The following CSE1L variants were observed in gnomAD, a reference collection of about 807,000 sequenced individuals.
The protein encoded by CSE1L is chromosome segregation 1 like, also known as exportin-2.
In CSE1L, 24 loss-of-function variants were observed where a neutral mutation model predicts 120.4. The observed-to-expected ratio is 0.20, with a 90% CI of 0.14 to 0.28. The LOEUF (loss-of-function observed/expected upper bound fraction) is 0.28, where lower values mean the gene tolerates loss of function less well. Among genes scored for constraint, CSE1L ranks in the 10% least tolerant of loss-of-function variants. The pLI, the probability that CSE1L is intolerant of heterozygous loss-of-function variation, is 1.00. For missense variants in CSE1L, 830 were observed against 1,145.2 expected (o/e 0.72, Z 3.97); for synonymous variants, 402 against 398.3 (o/e 1.01, Z -0.11).
chr20:49,079,580 C>T (rs975784023), intron 14 of CSE1L, among the ~76,000 whole-genome samples: 1 of 151,932 alleles, frequency 6.6e-6, no homozygotes, highest in Non-Finnish European at 1.5e-5. Context: ...ATCTTAGAGA[C>T]TTTCTCACAT....
chr20:49,095,255 A>C (rs1158398501), intron 24 of CSE1L: 1 of 376,918 alleles, frequency 2.7e-6, no homozygotes, highest in African/African-American at 2.1e-5. Flanking sequence ...GCACTTTATA[A>C]TAAGAGTTTA....
intron 2 of CSE1L, among the ~76,000 whole-genome samples, chr20:49,062,964 A>G (rs376616855): frequency 3.3e-5 from 5 of 151,974 alleles, no homozygotes; most frequent in Non-Finnish European, 7.4e-5. Context: ...GCCACTGTAT[A>G]GGTTTGTGAG....
At chr20:49,089,497 C>A in intron 18 of CSE1L, 41 bp from the exon 19 acceptor site, 1 of 1,607,420 alleles carries the variant, frequency 6.2e-7, no homozygotes, top group Non-Finnish European at 8.5e-7. Flanking sequence ...GTCAGTCATT[C>A]CTTCTGAAGC....
At chr20:49,090,312 C>T (rs2092091087) in intron 19 of CSE1L, among the ~76,000 whole-genome samples, 1 of 152,122 alleles carries the variant, frequency 6.6e-6, no homozygotes, top group East Asian at 1.9e-4. Flanking sequence ...AATCTCAGCA[C>T]TTTGGGAGGC....
At chr20:49,075,952 G>A (rs779027794) in intron 12 of CSE1L, among the ~76,000 whole-genome samples, 5 of 150,114 alleles carry the variant, frequency 3.3e-5, no homozygotes, top group South Asian at 4.3e-4. Context: ...CTGCCTCAGC[G>A]TCCCAAGTAA....
intron 24 of CSE1L, among the ~76,000 whole-genome samples, chr20:49,095,945 TATAG>T (rs2092136502): frequency 6.6e-6 from 1 of 152,140 alleles, no homozygotes; most frequent in African/African-American, 2.4e-5. Context: ...TTCAAACATA[TATAG>T]AAAGAGCATA....
intron 6 of CSE1L, among the ~76,000 whole-genome samples, chr20:49,067,576 T>A (rs1377919267): frequency 6.6e-6 from 1 of 152,128 alleles, no homozygotes; most frequent in Non-Finnish European, 1.5e-5. Context: ...AGTATGTGTC[T>A]CTAAAGGAAG....
Position 49,068,746 on chromosome 20 carries a change from A to G in CSE1L, c.599A>G (p.Asn200Ser). ...ATTGAACTCTGCAGTACCCATGCAA[A>G]TGATGCCTCTGCCCTGAGGATTCTG... ...ATIELCSTHA[N>S]DASALRILFS... Residue 200 changes from asparagine to serine, a missense_variant, in exon 7 of 25, where the codon AAT (asparagine) becomes AGT (serine). Around this residue, in one of 4 missense-constraint regions of CSE1L, gnomAD observed 543 missense variants for 640.2 expected, o/e 0.85. Coordinates refer to ENST00000262982, the MANE Select transcript of CSE1L (RefSeq NM_001316.4). The G allele has an allele frequency of 1.2e-6, 2 of 1,614,064 alleles. No individual in the cohort carries two copies. Among genetic ancestry groups the G allele is most frequent in the Non-Finnish European group, 1.7e-6 (2 of 1,179,916 alleles).
At chr20:49,080,314 C>T (rs1461314228) in intron 14 of CSE1L, among the ~76,000 whole-genome samples, 3 of 146,500 alleles carry the variant, frequency 2.0e-5, no homozygotes, top group Non-Finnish European at 4.5e-5. Flanking sequence ...CCTGGGTTCA[C>T]GCCATTCTCC....
intron 13 of CSE1L, among the ~76,000 whole-genome samples, chr20:49,078,019 G>A (rs2091982720): frequency 6.6e-6 from 1 of 151,922 alleles, no homozygotes; most frequent in Admixed American, 6.6e-5. Flanking sequence ...AAAAAATTAA[G>A]GATAGTTTCT....
At chr20:49,070,419 T>C (rs960640736) in intron 8 of CSE1L, 122 bp downstream of exon 8, 1 of 561,626 alleles carries the variant, frequency 1.8e-6, no homozygotes, top group South Asian at 2.1e-5. Flanking sequence ...TGTAATAATA[T>C]TTGATTCTAT....
chr20:49,051,400 G>A (rs968819997), intron 1 of CSE1L, among the ~76,000 whole-genome samples: 5 of 152,126 alleles, frequency 3.3e-5, no homozygotes, highest in African/African-American at 1.2e-4. Context: ...AAACTCAGCC[G>A]GGCGTGGTGG....
chr20:49,065,312 A>AGTTTTTTTTT (rs1568769017), intron 3 of CSE1L, among the ~76,000 whole-genome samples: 1 of 79,416 alleles, frequency 1.3e-5, no homozygotes, highest in Non-Finnish European at 2.4e-5. Flanking sequence ...ATGAAAAAAA[A>AGTTTTTTTTT]ATTTTTTTTT....
At chr20:49,051,553 A>G (rs1371601693) in intron 1 of CSE1L, among the ~76,000 whole-genome samples, 7 of 152,250 alleles carry the variant, frequency 4.6e-5, no homozygotes, top group African/African-American at 1.7e-4. Flanking sequence ...TCCAAAAAAA[A>G]CAAGAGTCCT....
In CSE1L at chr20:49,085,589, T is replaced by TTTTTTG. The variant is rs11474758; in HGVS notation, c.1723+203_1723+204insTTTTTG. 2.2e-5 allele frequency among the ~76,000 whole-genome samples: 3 copies of TTTTTTG among 138,756 alleles called. 1 individual carries two copies. Among genetic ancestry groups the TTTTTTG allele is most frequent in the Non-Finnish European group, 4.7e-5 (3 of 64,096 alleles). 91.0% of individuals were successfully genotyped at this position (138,756 alleles called of 152,430 possible). ...TTTTTTTTTTTTTTTTTTTTTTTTT[T>TTTTTTG]GAGATGGAGCCTTGCTCTGTTGCCC... On this transcript the variant is annotated intron_variant, in intron 16 of 24. Transcript: ENST00000262982.
chr20:49,076,520 CTTTTTTTTT>C (rs35713931), intron 12 of CSE1L, among the ~76,000 whole-genome samples: 12 of 79,578 alleles, frequency 1.5e-4, no homozygotes, highest in Admixed American at 7.5e-4. Context: ...CCCTCTCTCT[CTTTTTTTTT>C]TTTTTTTTTT....
At chr20:49,078,373 G>C (rs1232619133) in intron 13 of CSE1L, among the ~76,000 whole-genome samples, 188 bp from the exon 14 acceptor site, 1 of 152,120 alleles carries the variant, frequency 6.6e-6, no homozygotes, top group Non-Finnish European at 1.5e-5. Context: ...CATGAAACAG[G>C]CATGGGGAAA....
chr20:49,092,002 T>C (rs924622992), intron 21 of CSE1L, 44 bp from the exon 22 acceptor site: 7 of 1,044,528 alleles, frequency 6.7e-6, no homozygotes, highest in Middle Eastern at 2.0e-4. Flanking sequence ...ACCAGTTTAG[T>C]GCGTGAGTTC....
chr20:49,082,069 A>T (rs920918775), intron 14 of CSE1L, among the ~76,000 whole-genome samples: 1 of 152,074 alleles, frequency 6.6e-6, no homozygotes, highest in Non-Finnish European at 1.5e-5. Context: ...TTCTGCAAAA[A>T]TTATTTAGTA....
Sources: allele counts gnomAD v4.1 joint callset (sites outside exome capture counted in the v4.1 genomes callset), GRCh38; gene constraint gnomAD v4.1.1; regional missense constraint gnomAD v4.1.1; transcripts MANE v1.5; gene names NCBI Gene and HGNC (gene_info 2026-07-23, HGNC 2026-07-21).